Variants in RAB11FIP4 observed in about 807,000 individuals in gnomAD.
The protein encoded by RAB11FIP4 is RAB11 family interacting protein 4.
Under a neutral mutation model 74.3 loss-of-function variants are expected in RAB11FIP4, and 23 were observed. The observed-to-expected ratio is 0.31, with a 90% CI of 0.22 to 0.44. The LOEUF is 0.44. Among genes scored for constraint, RAB11FIP4 ranks in the 20% least tolerant of loss-of-function variants. The pLI is 1.00. For synonymous variants in RAB11FIP4, 360 were observed against 359.9 expected (o/e 1.00, Z 0.00); for missense variants, 630 against 863.9 (o/e 0.73, Z 3.39).
At chr17:31,434,631 T>C (rs1231771901) in intron 3 of RAB11FIP4, among the ~76,000 whole-genome samples, 1 of 152,202 alleles carries the variant, frequency 6.6e-6, no homozygotes, top group Admixed American at 6.5e-5. Flanking sequence ...GCTGCAGTTC[T>C]TCCTGGATAA....
chr17:31,457,865 C>G (rs1167403629), intron 3 of RAB11FIP4, among the ~76,000 whole-genome samples: 1 of 152,186 alleles, frequency 6.6e-6, no homozygotes, highest in Non-Finnish European at 1.5e-5. Context: ...TTTTCCCCTC[C>G]CCGCTCTGTC....
intron 1 of RAB11FIP4, among the ~76,000 whole-genome samples, chr17:31,405,151 T>A (rs1205486156): frequency 1.3e-5 from 2 of 151,924 alleles, no homozygotes; most frequent in Non-Finnish European, 2.9e-5. Flanking sequence ...CTGTCCCAGT[T>A]CAGGGGCAAG....
intron 3 of RAB11FIP4, among the ~76,000 whole-genome samples, chr17:31,477,389 G>A (rs758593237): frequency 2.3e-4 from 35 of 152,232 alleles, no homozygotes; most frequent in Non-Finnish European, 3.4e-4. Context: ...GAAGGAGCCT[G>A]GGCTTGGGGA....
chr17:31,424,057 T>C (rs891907731), intron 1 of RAB11FIP4, among the ~76,000 whole-genome samples: 1 of 152,126 alleles, frequency 6.6e-6, no homozygotes, highest in African/African-American at 2.4e-5. Context: ...CGGCTTCTCA[T>C]CAGAAAGAGA....
At chr17:31,432,640 A>G (rs1239448100) in intron 2 of RAB11FIP4, among the ~76,000 whole-genome samples, 2 of 152,158 alleles carry the variant, frequency 1.3e-5, no homozygotes, top group African/African-American at 4.8e-5. Flanking sequence ...GATTACAGGC[A>G]TCAGCCTCCA....
chr17:31,514,101 T>G (rs111343985), intron 3 of RAB11FIP4, among the ~76,000 whole-genome samples: 2,767 of 152,322 alleles, frequency 0.018, 70 homozygotes, highest in African/African-American at 0.062. Context: ...GGTGGTCTTC[T>G]TTGGAGGGTG....
At chr17:31,419,557 T>TC (rs1214000726) in intron 1 of RAB11FIP4, among the ~76,000 whole-genome samples, 1 of 150,468 alleles carries the variant, frequency 6.6e-6, no homozygotes, top group Admixed American at 6.6e-5. Flanking sequence ...TTTTTTCTTT[T>TC]TTTTTTTTTT....
At chr17:31,523,843 T>G in intron 8 of RAB11FIP4, 50 bp from the exon 9 acceptor site, 1 of 1,412,248 alleles carries the variant, frequency 7.1e-7, no homozygotes, top group Non-Finnish European at 9.9e-7. Context: ...AGGTTCTCGG[T>G]TCTGTGGCCT....
At position 31,537,022 on chromosome 17, in the gene RAB11FIP4, C is replaced by T. The variant is rs1467211849; in HGVS notation, c.*5290C>T. 5.0e-6 allele frequency: 2 copies of T among 399,230 alleles called. No individual in the cohort carries two copies. The highest frequency in any genetic ancestry group is 4.4e-6 in the Non-Finnish European group (1 of 226,246). 24.7% of individuals were successfully genotyped at this position (399,230 alleles called of 1,614,324 possible). A position where few individuals can be genotyped will look rare whatever the true frequency, so the allele number is the denominator to read the frequency against. ...GATGGCATCCAGGCCATGTCTCCTG[C>T]AGGATCCAAGTGCTGTTGTCCCCAG... On this transcript the variant is annotated 3_prime_UTR_variant, in exon 15 of 15. Transcript: ENST00000621161.
At chr17:31,395,622 T>C (rs530263211) in intron 1 of RAB11FIP4, among the ~76,000 whole-genome samples, 2 of 152,240 alleles carry the variant, frequency 1.3e-5, no homozygotes, top group East Asian at 3.9e-4. Context: ...TTCTACAAAA[T>C]GCCTGATTAG....
chr17:31,399,069 T>C (rs998745237), intron 1 of RAB11FIP4, among the ~76,000 whole-genome samples: 3 of 151,924 alleles, frequency 2.0e-5, no homozygotes, highest in Non-Finnish European at 4.4e-5. Flanking sequence ...GGAGGAGGGG[T>C]TCTGCCTCAG....
chr17:31,528,804 G>C (rs2072817428), intron 13 of RAB11FIP4, 26 bp downstream of exon 13: 1 of 1,589,110 alleles, frequency 6.3e-7, no homozygotes, highest in African/African-American at 1.3e-5. Flanking sequence ...TCTGTGTCCA[G>C]TGGGGCAGGG....
intron 11 of RAB11FIP4, 101 bp downstream of exon 11, chr17:31,528,024 T>C: frequency 3.4e-6 from 3 of 895,332 alleles, no homozygotes; most frequent in Non-Finnish European, 5.1e-6. Context: ...CCCTAAGAAA[T>C]GCAAAAAAAG....
intron 1 of RAB11FIP4, among the ~76,000 whole-genome samples, chr17:31,427,513 T>A (rs2071265237): frequency 1.3e-5 from 2 of 152,292 alleles, no homozygotes; most frequent in South Asian, 4.1e-4. Flanking sequence ...CACCAGTGTC[T>A]CCCAGCCTCA....
chr17:31,527,980 T>C lies in RAB11FIP4; in HGVS notation c.1356+57T>C. On this transcript the variant is annotated intron_variant, in intron 11 of 14. Coordinates refer to ENST00000621161, the MANE Select transcript of RAB11FIP4 (RefSeq NM_032932.6). Reference sequence around the variant, plus strand: ...GGCTGGCCATCGGGAGCCTTTAGTTTATTGCTTCTGAAATTCTAAACAAAT... The same window carrying C: ...GGCTGGCCATCGGGAGCCTTTAGTTCATTGCTTCTGAAATTCTAAACAAAT... The C allele has an allele frequency of 4.5e-6, 6 of 1,333,282 alleles. No homozygotes were observed. In the Middle Eastern group the frequency reaches 7.3e-4, roughly 162 times the overall value. 82.6% of individuals were successfully genotyped at this position (1,333,282 alleles called of 1,614,324 possible). A position where few individuals can be genotyped will look rare whatever the true frequency, so the allele number is the denominator to read the frequency against.
chr17:31,493,818 G>A (rs2072060537), intron 3 of RAB11FIP4, among the ~76,000 whole-genome samples: 1 of 152,166 alleles, frequency 6.6e-6, no homozygotes, highest in African/African-American at 2.4e-5. Context: ...GCATGGTTCT[G>A]TGGGGTCCTA....
intron 1 of RAB11FIP4, among the ~76,000 whole-genome samples, chr17:31,428,279 A>C (rs2071272998): frequency 6.6e-6 from 1 of 152,244 alleles, no homozygotes; most frequent in African/African-American, 2.4e-5. Context: ...CGCTGTGGGC[A>C]TGCAAGAAAA....
At chr17:31,420,469 G>A (rs114285881) in intron 1 of RAB11FIP4, among the ~76,000 whole-genome samples, 2,494 of 151,972 alleles carry the variant, frequency 0.016, 63 homozygotes, top group African/African-American at 0.057. Context: ...CTGGTCTCAA[G>A]CGATCCTCCC....
chr17:31,530,396 C>CA lies in RAB11FIP4; in HGVS notation c.1730dup (p.Asn577LysfsTer8). Reference sequence around the variant, plus strand: ...ATTTTGAGCCTCAGCCTCTACGAAGCAAAAAACCTCTTTGCTGCCCAGACT... The same window carrying CA: ...ATTTTGAGCCTCAGCCTCTACGAAGCAAAAAAACCTCTTTGCTGCCCAGACT... On this transcript the variant is annotated frameshift_variant, in exon 14 of 15. Transcript: ENST00000621161. LOFTEE classifies it high-confidence loss of function. 6.2e-7 allele frequency: 1 copy of CA among 1,614,084 alleles called. No homozygotes were observed. The highest frequency in any genetic ancestry group is 8.5e-7 in the Non-Finnish European group (1 of 1,179,982).
Sources: gnomAD v4.1 joint callset for allele counts (sites outside exome capture counted in the v4.1 genomes callset) on GRCh38, gnomAD v4.1.1 for gene constraint, MANE v1.5 for transcripts, NCBI Gene and HGNC (gene_info 2026-07-23, HGNC 2026-07-21) for gene names.